EYA1: variants seen among roughly 807,000 people sequenced by gnomAD.
EYA1 encodes protein phosphatase EYA1.
Under a neutral mutation model 82.0 loss-of-function variants are expected in EYA1, and 16 were observed. The observed-to-expected ratio is 0.20, with a 90% confidence interval of 0.13 to 0.30. The LOEUF is 0.30. Among genes scored for constraint, EYA1 ranks in the 10% least tolerant of loss-of-function variants. EYA1 has a pLI of 1.00. For missense variants in EYA1, 633 were observed against 730.7 expected, an observed-to-expected ratio of 0.87 and a Z score of 1.54; for synonymous variants, 261 against 264.4, an observed-to-expected ratio of 0.99 and a Z score of 0.12.
At chr8:71,204,320 C>T (rs1257123408) in intron 17 of EYA1, 1 of 152,128 alleles carries the variant, frequency 6.6e-6, no homozygotes, top group East Asian at 1.9e-4. Context: ...TAACAACAAC[C>T]ATATAAAAAG....
intron 11 of EYA1, among the ~76,000 whole-genome samples, chr8:71,249,112 C>T (rs1270093639): frequency 6.6e-6 from 1 of 152,146 alleles, no homozygotes; most frequent in African/African-American, 2.4e-5. Flanking sequence ...AATCTCATTG[C>T]CAAATGTTCT....
chr8:71,356,378 A>T lies in EYA1; in HGVS notation c.-5+84T>A, dbSNP rs1826879772. 7 of 1,177,566 alleles carry T rather than the reference A, an allele frequency of 5.9e-6. No homozygotes were observed. The African/African-American group carries it at 6.2e-5, about 10-fold the overall frequency. 72.9% of individuals were successfully genotyped at this position (1,177,566 alleles called of 1,614,324 possible). ...ACAGAGGCTGTTACTATTAATAGAA[A>T]TAATTAAGAAACACTAGACAAAAAT... On this transcript the variant is annotated intron_variant, in intron 2 of 17. Coordinates refer to ENST00000340726, the MANE Select transcript of EYA1 (RefSeq NM_000503.6).
At position 71,272,391 on chromosome 8, in the gene EYA1, T is replaced by C. The variant is rs187211901; in HGVS notation, c.827-494A>G. 1.2e-3 allele frequency among the ~76,000 whole-genome samples: 178 copies of C among 152,270 alleles called. 1 individual carries two copies. Among genetic ancestry groups the C allele is most frequent in the African/African-American group, 4.2e-3 (174 of 41,558 alleles). On this transcript the variant is annotated intron_variant, in intron 9 of 17. Coordinates refer to ENST00000340726, the MANE Select transcript of EYA1 (RefSeq NM_000503.6). Reference sequence around the variant, plus strand: ...TAGATTTTTCTTTGAAAATTTTACATTCCCCATTTTCTCCCTCATTTTATG... The same window carrying C: ...TAGATTTTTCTTTGAAAATTTTACACTCCCCATTTTCTCCCTCATTTTATG...
intron 9 of EYA1, among the ~76,000 whole-genome samples, chr8:71,297,972 A>C (rs1819773038): frequency 6.6e-6 from 1 of 152,020 alleles, no homozygotes; most frequent in Non-Finnish European, 1.5e-5. Context: ...AAGAATGATG[A>C]AACTTTAGAA....
chr8:71,501,814 T>A (rs968176831), intron 2 of EYA1, among the ~76,000 whole-genome samples: 16 of 152,234 alleles, frequency 1.1e-4, no homozygotes, highest in African/African-American at 3.9e-4. Flanking sequence ...AAATTACACT[T>A]AACTATTTTA....
chr8:71,325,593 ATTATT>A (rs1484045006), intron 4 of EYA1, among the ~76,000 whole-genome samples: 4 of 152,224 alleles, frequency 2.6e-5, no homozygotes, highest in Admixed American at 6.5e-5. Context: ...GAATGGTTCA[ATTATT>A]TTAAGTTTTT....
chr8:71,536,328 C>G (rs1294031226), intron 1 of EYA1, among the ~76,000 whole-genome samples: 2 of 152,132 alleles, frequency 1.3e-5, no homozygotes, highest in African/African-American at 4.8e-5. Flanking sequence ...GAGTGTTTTA[C>G]CCTTAGGGCA....
At chr8:71,224,536 T>G (rs564675028) in intron 12 of EYA1, among the ~76,000 whole-genome samples, 1 of 152,372 alleles carries the variant, frequency 6.6e-6, no homozygotes, top group Admixed American at 6.5e-5. Context: ...TGCCTGATAT[T>G]TGACATCTAT....
chr8:71,539,425 G>A (rs1814974349), intron 1 of EYA1, among the ~76,000 whole-genome samples: 1 of 152,178 alleles, frequency 6.6e-6, no homozygotes, highest in African/African-American at 2.4e-5. Context: ...TAGAGCGCCT[G>A]ACTGACATTC....
Position 71,453,034 on chromosome 8 carries a change from T to G in EYA1, c.33+82710A>C, listed in dbSNP as rs562035854. Among the ~76,000 whole-genome samples the G allele has an allele frequency of 1.8e-4, 27 of 152,108 alleles. No homozygotes were observed. In the South Asian group the frequency reaches 5.6e-3, roughly 32 times the overall value. On this transcript the variant is annotated intron_variant, in intron 2 of 18. Transcript: ENST00000643681. ...TAAAAAACCTTGAAAAAAGATTAGG[T>G]GAATGGCTAACTAGAATAACCAGTG...
At chr8:71,421,162 C>A (rs1395014860) in intron 2 of EYA1, among the ~76,000 whole-genome samples, 1 of 152,266 alleles carries the variant, frequency 6.6e-6, no homozygotes, top group East Asian at 1.9e-4. Context: ...TTGTTTTCAT[C>A]AGGGATAAAA....
At chr8:71,329,355 AT>A (rs1439866080) in intron 4 of EYA1, among the ~76,000 whole-genome samples, 1 of 152,086 alleles carries the variant, frequency 6.6e-6, no homozygotes, top group Non-Finnish European at 1.5e-5. Context: ...ATATTCTCTC[AT>A]GCTCTATCTG....
intron 4 of EYA1, 136 bp from the exon 5 acceptor site, chr8:71,322,404 G>A (rs1454716435): frequency 1.4e-6 from 1 of 739,972 alleles, no homozygotes; most frequent in East Asian, 2.7e-5. Flanking sequence ...GACCTGCGGA[G>A]ATGGAAATTT....
chr8:71,267,862 T>G (rs935063184), intron 11 of EYA1, among the ~76,000 whole-genome samples: 3 of 152,228 alleles, frequency 2.0e-5, no homozygotes, highest in South Asian at 2.1e-4. Flanking sequence ...TAAAACTTTT[T>G]ATCACATGAC....
intron 12 of EYA1, among the ~76,000 whole-genome samples, chr8:71,233,604 C>G (rs983434982): frequency 6.7e-6 from 1 of 150,354 alleles, no homozygotes; most frequent in Non-Finnish European, 1.5e-5. Context: ...CCTTTGTTTT[C>G]TTTTGATATA....
intron 2 of EYA1, among the ~76,000 whole-genome samples, chr8:71,487,734 C>T (rs1810680693): frequency 6.6e-6 from 1 of 152,130 alleles, no homozygotes; most frequent in Admixed American, 6.5e-5. Context: ...AAGGTCTCAA[C>T]TTATCAAGAA....
chr8:71,530,544 A>C (rs1275029134), intron 2 of EYA1, among the ~76,000 whole-genome samples: 1 of 152,244 alleles, frequency 6.6e-6, no homozygotes, highest in Non-Finnish European at 1.5e-5. Flanking sequence ...TTTCACTTAC[A>C]TAAAATATCT....
At chr8:71,460,416 G>A (rs906394718) in intron 2 of EYA1, among the ~76,000 whole-genome samples, 2 of 152,184 alleles carry the variant, frequency 1.3e-5, no homozygotes, top group Non-Finnish European at 2.9e-5. Context: ...AAGGAGAAGA[G>A]AGCACTTATC....
intron 12 of EYA1, among the ~76,000 whole-genome samples, chr8:71,223,108 C>T (rs954726963): frequency 3.3e-5 from 5 of 152,152 alleles, no homozygotes; most frequent in South Asian, 2.1e-4. Context: ...CTCTGCCAGG[C>T]GTGGAGGGTA....
Sources: gnomAD v4.1 joint callset for allele counts (sites outside exome capture counted in the v4.1 genomes callset) on GRCh38, gnomAD v4.1.1 for gene constraint, MANE v1.5 for transcripts, NCBI Gene and HGNC (gene_info 2026-07-23, HGNC 2026-07-21) for gene names.